The following CASP8 variants were observed in gnomAD, a reference collection of about 807,000 sequenced individuals.
The protein encoded by CASP8 is caspase-8.
In CASP8, 24 loss-of-function variants were observed where a neutral mutation model predicts 46.3. The ratio of observed to expected loss-of-function variants is 0.52; its 90% CI spans 0.38 to 0.73. The LOEUF is 0.73. Ranked by LOEUF, CASP8 falls within the 30% of genes least tolerant of loss-of-function variation. The probability of loss-of-function intolerance (pLI) is 0.00; values close to 1 mark genes in which losing one functional copy is unlikely to be tolerated. For missense variants in CASP8, 460 were observed against 559.0 expected, an observed-to-expected ratio of 0.82 and a Z score of 1.79; for synonymous variants, 188 against 200.4, an observed-to-expected ratio of 0.94 and a Z score of 0.52.
At chr2:201,248,201 A>C (rs1271115792) in intron 2 of CASP8, among the ~76,000 whole-genome samples, 1 of 152,196 alleles carries the variant, frequency 6.6e-6, no homozygotes, top group Non-Finnish European at 1.5e-5. Flanking sequence ...GTAAAGAAAA[A>C]TATCCAGAAC....
At chr2:201,283,211 A>T (rs1410956197) in intron 7 of CASP8, among the ~76,000 whole-genome samples, 2 of 57,748 alleles carry the variant, frequency 3.5e-5, no homozygotes, top group African/African-American at 1.2e-4. Flanking sequence ...GCGGCTGGCC[A>T]GGCGGGGGGC....
intron 2 of CASP8, among the ~76,000 whole-genome samples, chr2:201,237,438 T>TA (rs774127508): frequency 0.07 from 3,186 of 45,788 alleles, 242 homozygotes; most frequent in East Asian, 0.4. Context: ...ATCTTCAGAG[T>TA]AAAAAAAAAA....
At chr2:201,251,817 G>A (rs959893637) in intron 2 of CASP8, among the ~76,000 whole-genome samples, 25 of 151,878 alleles carry the variant, frequency 1.6e-4, no homozygotes, top group East Asian at 3.9e-4. Flanking sequence ...CAGGAGAATC[G>A]CTTGAACCCA....
chr2:201,271,912 C>T (rs1948278970), intron 3 of CASP8, among the ~76,000 whole-genome samples: 1 of 152,184 alleles, frequency 6.6e-6, no homozygotes, highest in Admixed American at 6.5e-5. Flanking sequence ...TGAGATATTT[C>T]CTCCACTTCT....
chr2:201,283,487 G>A (rs373911093), intron 7 of CASP8, among the ~76,000 whole-genome samples: 11,726 of 65,662 alleles, frequency 0.18, 71 homozygotes, highest in Non-Finnish European at 0.21. Context: ...TGGCCGGGCA[G>A]AGGGGCTCCT....
chr2:201,258,952 CT>C (rs1489515179), upstream of CASP8, among the ~76,000 whole-genome samples: 3 of 151,326 alleles, frequency 2.0e-5, no homozygotes, highest in Non-Finnish European at 4.4e-5. Flanking sequence ...ATGTATTTTT[CT>C]TTTGTATGTG....
In CASP8 at chr2:201,266,464, A is replaced by G. The variant is rs1338043920; in HGVS notation, c.-23A>G. The G allele has an allele frequency of 1.2e-6, 2 of 1,608,884 alleles. No homozygotes were observed. Among genetic ancestry groups the G allele is most frequent in the Admixed American group, 1.7e-5 (1 of 60,022 alleles). On this transcript the variant is annotated 5_prime_UTR_variant, in exon 2 of 9. Transcript: ENST00000673742. This position sits in a 1 kb window ranked among gnomAD's most constrained non-coding sequence, Gnocchi z 5.7. ...CATACCATTTATTTTGACTTAGATTATATTCTCCTGCCTTTTAAAAAGATG... is the reference window on the plus strand; with the variant it reads ...CATACCATTTATTTTGACTTAGATTGTATTCTCCTGCCTTTTAAAAAGATG...
intron 1 of CASP8, among the ~76,000 whole-genome samples, chr2:201,265,531 G>A (rs554836562): frequency 4.6e-5 from 7 of 152,106 alleles, no homozygotes; most frequent in African/African-American, 7.2e-5. Flanking sequence ...GTCCTAGTAC[G>A]TCCCCTACTT....
Position 201,266,820 on chromosome 2 carries a change from G to C in CASP8, c.305+29G>C. 6.4e-7 allele frequency: 1 copy of C among 1,574,386 alleles called. No individual in the cohort carries two copies. The highest frequency in any genetic ancestry group is 8.7e-7 in the Non-Finnish European group (1 of 1,147,796). On this transcript the variant is annotated intron_variant, in intron 2 of 8. Transcript: ENST00000673742. This position sits in a 1 kb window ranked among gnomAD's most constrained non-coding sequence, Gnocchi z 5.7. ...GGTGGAAACTCCCATTGTGGGACTG[G>C]GAGGTGTGGGTTGAATGGACAGCCT...
Position 201,285,119 on chromosome 2 carries a change from T to C in CASP8, c.1106T>C (p.Ile369Thr), listed in dbSNP as rs2125485764. The C allele has an allele frequency of 6.2e-7, 1 of 1,614,204 alleles. No homozygotes were observed. Among genetic ancestry groups the C allele is most frequent in the East Asian group, 2.2e-5 (1 of 44,886 alleles). ...ACQGDNYQKGIPVETDSEEQP... is the reference protein window; with the variant it reads ...ACQGDNYQKGTPVETDSEEQP... Reference sequence around the variant, plus strand: ...CAGGGGGATAACTACCAGAAAGGTATACCTGTTGAGACTGATTCAGAGGAG... The same window carrying C: ...CAGGGGGATAACTACCAGAAAGGTACACCTGTTGAGACTGATTCAGAGGAG... Residue 369 changes from isoleucine to threonine, a missense_variant, in exon 8 of 9, where the codon ATA becomes ACA. Physicochemically the swap from Ile to Thr is moderately conservative, Grantham distance 89. Coordinates refer to ENST00000673742, the MANE Select transcript of CASP8 (RefSeq NM_001372051.1).
At chr2:201,279,601 CTAAT>C (rs775758861) in intron 7 of CASP8, among the ~76,000 whole-genome samples, 7 of 152,308 alleles carry the variant, frequency 4.6e-5, no homozygotes, top group Middle Eastern at 3.4e-3. Flanking sequence ...TTTTAATGGA[CTAAT>C]TAGTCAATTT....
upstream of CASP8, chr2:201,258,049 C>A (rs140718249): frequency 2.4e-5 from 16 of 666,344 alleles, no homozygotes; most frequent in East Asian, 3.7e-4. Flanking sequence ...CATCTCTGTT[C>A]TGCTTTAGGA....
chr2:201,284,784 T>C (rs375575712), intron 7 of CASP8, 32 bp from the exon 8 acceptor site: 128 of 1,591,826 alleles, frequency 8.0e-5, no homozygotes, highest in Non-Finnish European at 1.1e-4. Flanking sequence ...ATTACTGTGG[T>C]ATAACGTGAC....
chr2:201,233,898 C>T (rs560882312), intron 1 of CASP8: 25 of 152,392 alleles, frequency 1.6e-4, no homozygotes, highest in African/African-American at 5.5e-4. Context: ...TGGCTCAAAA[C>T]GACTTTAGTT....
At chr2:201,258,265 GA>G, upstream of CASP8, 1 of 1,606,916 alleles carries the variant, frequency 6.2e-7, no homozygotes, top group Non-Finnish European at 8.5e-7. Flanking sequence ...GGTGGTTATT[GA>G]AAGTAAAAGA....
rs759330935 is a variant in CASP8, at chr2:201,272,813, T to G, written c.550+37T>G. On this transcript the variant is annotated intron_variant, in intron 4 of 8. Transcript: ENST00000673742. This position sits in a 1 kb window ranked among gnomAD's most constrained non-coding sequence, Gnocchi z 4.4. The stretch of plus-strand genomic sequence containing the variant: ...CTGACAGCCGGGAATCGGCAAAACC[T>G]ACTCTAAAATTGAAACTGACAAATC... 6.2e-7 allele frequency: 1 copy of G among 1,614,148 alleles called. No homozygotes were observed. The highest frequency in any genetic ancestry group is 8.5e-7 in the Non-Finnish European group (1 of 1,179,952).
At chr2:201,234,593 G>A (rs1326790210) in intron 2 of CASP8, among the ~76,000 whole-genome samples, 1 of 151,818 alleles carries the variant, frequency 6.6e-6, no homozygotes, top group African/African-American at 2.4e-5. Flanking sequence ...GGGATTACAG[G>A]CACCTGCTTC....
At chr2:201,279,085 C>T (rs1404517373) in intron 7 of CASP8, among the ~76,000 whole-genome samples, 1 of 152,132 alleles carries the variant, frequency 6.6e-6, no homozygotes, top group African/African-American at 2.4e-5. Flanking sequence ...TATTTACCCC[C>T]ACAGAATCCT....
rs13023156 is a variant in CASP8, at chr2:201,251,610, G to A, written c.-26-14851G>A. ...ACTCTGTGTCAAAAAAAAAAAAAAAGAAAAAAAAATGGCCAGGCGCAGTGG... is the reference window on the plus strand; with the variant it reads ...ACTCTGTGTCAAAAAAAAAAAAAAAAAAAAAAAAATGGCCAGGCGCAGTGG... On this transcript the variant is annotated intron_variant, in intron 2 of 6. Transcript: ENST00000264274. 8.1e-4 allele frequency among the ~76,000 whole-genome samples: 113 copies of A among 138,902 alleles called. 2 individuals carry two copies. Among genetic ancestry groups the A allele is most frequent in the Middle Eastern group, 3.9e-3 (1 of 256 alleles). 91.1% of individuals were successfully genotyped at this position (138,902 alleles called of 152,430 possible). A position where few individuals can be genotyped will look rare whatever the true frequency, so the allele number is the denominator to read the frequency against.
Sources: allele counts gnomAD v4.1 joint callset (sites outside exome capture counted in the v4.1 genomes callset), GRCh38; gene constraint gnomAD v4.1.1; non-coding constraint Gnocchi (gnomAD v3.1); transcripts MANE v1.5; gene names NCBI Gene and HGNC (gene_info 2026-07-23, HGNC 2026-07-21).